Variants in HEATR6 observed in about 807,000 individuals in gnomAD.
HEATR6 encodes the protein HEAT repeat-containing protein 6.
HEATR6 carries 106 observed loss-of-function variants against 132.8 expected under a neutral mutation model. That is an observed-to-expected ratio of 0.80 (90% confidence interval 0.68 to 0.94). The LOEUF (loss-of-function observed/expected upper bound fraction) is 0.94. Among genes scored for constraint, HEATR6 ranks in the 40% least tolerant of loss-of-function variants. The pLI is 0.00. For missense variants in HEATR6, 1,339 were observed against 1,425.1 expected, an observed-to-expected ratio of 0.94 and a Z score of 0.97; for synonymous variants, 529 against 537.8, an observed-to-expected ratio of 0.98 and a Z score of 0.23.
rs766891804 is a variant in HEATR6 at position 60,046,177 on chromosome 17, G to C, written c.2822C>G (p.Pro941Arg). ...ALGNLLHFLQ[P>R]SHIEKPTFAE... ...AAATGTGGGTTTTTCTATATGAGAGGGTTGCAGAAAATGAAGCAAATTTCC... is the reference window on the plus strand; with the variant it reads ...AAATGTGGGTTTTTCTATATGAGAGCGTTGCAGAAAATGAAGCAAATTTCC... The change falls in exon 19 of 20, where the codon CCC becomes CGC. Residue 941 changes from proline to arginine, a missense_variant. Pro to Arg is a moderately radical substitution (Grantham distance 103). Transcript: ENST00000184956. The C allele has an allele frequency of 3.7e-6, 6 of 1,613,828 alleles. No individual in the cohort carries two copies. Among genetic ancestry groups the C allele is most frequent in the East Asian group, 2.2e-5 (1 of 44,878 alleles).
chr17:60,043,840 CA>C lies in HEATR6; in HGVS notation c.3268del (p.Cys1090ValfsTer2), dbSNP rs1568599442. 6.2e-7 allele frequency: 1 copy of C among 1,614,178 alleles called. No homozygotes were observed. Among genetic ancestry groups the C allele is most frequent in the South Asian group, 1.1e-5 (1 of 91,078 alleles). ...ACTCAGTTCAAGGGTTTCTTTCATACAAGGGAGGTCCGAGGCACTGGCCAAG... is the reference window on the plus strand; with the variant it reads ...ACTCAGTTCAAGGGTTTCTTTCATACAGGGAGGTCCGAGGCACTGGCCAAG... ...LSLASASDLP[C>X]MKETLELSGN... is the part of the protein sequence containing the mutation. On this transcript the variant is annotated frameshift_variant, in exon 20 of 20. Coordinates refer to ENST00000184956, the MANE Select transcript of HEATR6 (RefSeq NM_022070.5). LOFTEE classifies it high-confidence loss of function.
Position 60,043,527 on chromosome 17 carries a change from TGCC to T in HEATR6, c.*33_*35del, listed in dbSNP as rs1319427176. 1 of 1,537,762 alleles carries T rather than the reference TGCC, an allele frequency of 6.5e-7. No homozygotes were observed. The highest frequency in any genetic ancestry group is 8.9e-7 in the Non-Finnish European group (1 of 1,124,548). On this transcript the variant is annotated 3_prime_UTR_variant, in exon 20 of 20. Coordinates refer to ENST00000184956, the MANE Select transcript of HEATR6 (RefSeq NM_022070.5). The stretch of plus-strand genomic sequence containing the variant: ...TATGCTCAAGCTCAGGTCTTCCTAC[TGCC>T]GCCTTCGACATCTAGAAAGTATGGT...
chr17:60,078,764 C>A lies in HEATR6; in HGVS notation c.151G>T (p.Glu51Ter), dbSNP rs1455407157. Reference sequence around the variant, plus strand: ...AGCTGATCGAAGAGCAGGTGGATCTCGGTGCGGGCGGAGCTGCTGTCATCC... The same window carrying A: ...AGCTGATCGAAGAGCAGGTGGATCTAGGTGCGGGCGGAGCTGCTGTCATCC... ...RPDDSSSARTEIHLLFDQLIS... is the reference protein window; with the variant it reads ...RPDDSSSART The change falls in exon 1 of 20, where the codon GAG (glutamate) becomes TAG (stop). Residue 51 changes from glutamate (E) to a stop codon, truncating the protein, a stop_gained. Transcript: ENST00000184956. LOFTEE classifies it high-confidence loss of function. 1.9e-6 allele frequency: 3 copies of A among 1,569,440 alleles called. No individual in the cohort carries two copies. The highest frequency in any genetic ancestry group is 2.6e-6 in the Non-Finnish European group (3 of 1,159,154).
intron 12 of HEATR6, 152 bp downstream of exon 12, chr17:60,056,896 C>A: frequency 1.7e-6 from 1 of 573,872 alleles, no homozygotes; most frequent in Non-Finnish European, 3.0e-6. Flanking sequence ...CAAAACAAAA[C>A]AACAACAAAA....
intron 8 of HEATR6, among the ~76,000 whole-genome samples, chr17:60,067,130 C>T (rs1848663025): frequency 6.6e-6 from 1 of 151,400 alleles, no homozygotes; most frequent in African/African-American, 2.4e-5. Flanking sequence ...ATTAGCCGGG[C>T]GTAGTGGCGG....
In HEATR6 at chr17:60,066,275, C is replaced by A; in HGVS notation, c.1350G>T (p.Thr450=). Residue 450 remains threonine, a synonymous_variant, in exon 9 of 20, where the codon ACG becomes ACT. Coordinates refer to ENST00000184956, the MANE Select transcript of HEATR6 (RefSeq NM_022070.5). Reference sequence around the variant, plus strand: ...CTGACTGTGGGCTGCCAAGTTCAGGCGTATCAGGAATAAAAGCTGACCAGT... The same window carrying A: ...CTGACTGTGGGCTGCCAAGTTCAGGAGTATCAGGAATAAAAGCTGACCAGT... ...YGYWSAFIPD[T]PELGSPQSVS... is the part of the protein sequence containing the mutation. 1 of 1,613,806 alleles carries A rather than the reference C, an allele frequency of 6.2e-7. No individual in the cohort carries two copies. Among genetic ancestry groups the A allele is most frequent in the African/African-American group, 1.3e-5 (1 of 74,946 alleles).
chr17:60,050,348 T>G lies in HEATR6; in HGVS notation c.2424+495A>C, dbSNP rs76828971. Among the ~76,000 whole-genome samples the G allele has an allele frequency of 2.8e-3, 433 of 152,284 alleles. 3 individuals are homozygous for G. Among genetic ancestry groups the G allele is most frequent in the Non-Finnish European group, 2.2e-3 (151 of 68,026 alleles). ...ACTATGAGAAATACATTTCTGTTGTTTAGAAGACACCCAATTTATGGTATT... is the reference window on the plus strand; with the variant it reads ...ACTATGAGAAATACATTTCTGTTGTGTAGAAGACACCCAATTTATGGTATT... On this transcript the variant is annotated intron_variant, in intron 15 of 19. Coordinates refer to ENST00000184956, the MANE Select transcript of HEATR6 (RefSeq NM_022070.5).
intron 1 of HEATR6, 90 bp downstream of exon 1, chr17:60,078,606 G>A: frequency 1.0e-6 from 1 of 969,796 alleles, no homozygotes; most frequent in Non-Finnish European, 1.5e-6. Context: ...GCGCGAGAGT[G>A]GGAAGATCAG....
chr17:60,057,027 T>G, intron 12 of HEATR6, 21 bp downstream of exon 12: 2 of 1,504,012 alleles, frequency 1.3e-6, no homozygotes, highest in Non-Finnish European at 1.8e-6. Flanking sequence ...ATTTCAGAGA[T>G]GAGGAAATGA....
In HEATR6 at chr17:60,076,242, CAAAA is replaced by C; in HGVS notation, c.220-9_220-6del. 8.3e-7 allele frequency: 1 copy of C among 1,199,360 alleles called. No individual in the cohort carries two copies. The highest frequency in any genetic ancestry group is 1.1e-6 in the Non-Finnish European group (1 of 883,558). The allele number at this position is 1,199,360 out of a possible 1,614,324, so 74.3% of individuals were successfully genotyped here. On this transcript the variant is annotated splice_region_variant and splice_polypyrimidine_tract_variant and intron_variant, in intron 1 of 19. Coordinates refer to ENST00000184956, the MANE Select transcript of HEATR6 (RefSeq NM_022070.5). ...GACAAGAAGAGCACTAACGTCCTAC[CAAAA>C]AAAAAAAGATAAGAGGTAAAATACT...
Position 60,066,357 on chromosome 17 carries a change from G to A in HEATR6, c.1268C>T (p.Ala423Val), listed in dbSNP as rs780891622. The A allele has an allele frequency of 1.9e-6, 3 of 1,611,060 alleles. No individual in the cohort carries two copies. The highest frequency in any genetic ancestry group is 2.5e-6 in the Non-Finnish European group (3 of 1,179,114). The change falls in exon 9 of 20, where the codon GCC becomes GTC. Residue 423 changes from alanine (A) to valine (V), a missense_variant. Coordinates refer to ENST00000184956, the MANE Select transcript of HEATR6 (RefSeq NM_022070.5). Reference sequence around the variant, plus strand: ...TATAGTAGAAAGAAAACAAACTAAGGCTCCTTGGCGAACTTTAGCTTGGTA... The same window carrying A: ...TATAGTAGAAAGAAAACAAACTAAGACTCCTTGGCGAACTTTAGCTTGGTA... ...RSYQAKVRQG[A>V]LVCFLSTIKS...
chr17:60,046,885 T>C (rs1313223864), intron 18 of HEATR6, among the ~76,000 whole-genome samples: 2 of 152,164 alleles, frequency 1.3e-5, no homozygotes, highest in Non-Finnish European at 2.9e-5. Context: ...ATACCAAACT[T>C]ACCCAGTTAC....
chr17:60,073,313 A>C, intron 3 of HEATR6, 34 bp from the exon 4 acceptor site: 1 of 1,221,834 alleles, frequency 8.2e-7, no homozygotes, highest in Non-Finnish European at 1.2e-6. Flanking sequence ...AGGTCAAAGA[A>C]AAGCTTCTAG....
intron 15 of HEATR6, 149 bp from the exon 16 acceptor site, chr17:60,049,851 G>T (rs190426639): frequency 2.0e-5 from 16 of 784,298 alleles, no homozygotes. Flanking sequence ...TAAAAAGCAG[G>T]TTCAATTCAG....
intron 9 of HEATR6, among the ~76,000 whole-genome samples, chr17:60,065,899 C>A (rs2083237920): frequency 6.6e-6 from 1 of 152,280 alleles, no homozygotes; most frequent in Non-Finnish European, 1.5e-5. Flanking sequence ...CCACAGCAAT[C>A]AACATTTTCA....
intron 9 of HEATR6, among the ~76,000 whole-genome samples, chr17:60,065,613 A>T (rs891789280): frequency 2.5e-4 from 38 of 152,380 alleles, no homozygotes; most frequent in African/African-American, 8.9e-4. Flanking sequence ...ATCTTGCTAT[A>T]GCTATCCATG....
chr17:60,067,332 A>G (rs2083247115), intron 8 of HEATR6, 102 bp downstream of exon 8: 1 of 760,794 alleles, frequency 1.3e-6, no homozygotes, highest in Non-Finnish European at 2.0e-6. Flanking sequence ...CCCCCCAGAA[A>G]TCAGGCTCTT....
At position 60,044,096 on chromosome 17, in the gene HEATR6, T is replaced by A; in HGVS notation, c.3013A>T (p.Thr1005Ser). 1.2e-6 allele frequency: 2 copies of A among 1,613,602 alleles called. No individual in the cohort carries two copies. The highest frequency in any genetic ancestry group is 1.7e-6 in the Non-Finnish European group (2 of 1,179,702). Residue 1005 changes from threonine (T) to serine (S), a missense_variant, in exon 20 of 20, where the codon ACA becomes TCA. Transcript: ENST00000184956. ...TTCTTGCATGATGTCACGACCGATG[T>A]CAGGGCATTGTAGGCCTGGGAGGTC... ...PWTSQAYNAL[T>S]SVVTSCKNFK...
At position 60,072,259 on chromosome 17, in the gene HEATR6, G is replaced by GT. The variant is rs1568643823; in HGVS notation, c.654dup (p.Gln219ThrfsTer7). 1 of 1,609,884 alleles carries GT rather than the reference G, an allele frequency of 6.2e-7. No individual in the cohort carries two copies. Among genetic ancestry groups the GT allele is most frequent in the East Asian group, 2.2e-5 (1 of 44,780 alleles). ...TCCATATCAGATGATTTTGGAGACT[G>GT]TAAAATAGTCAGAAAAGCTTGGAAA... On this transcript the variant is annotated frameshift_variant, in exon 5 of 20. Coordinates refer to ENST00000184956, the MANE Select transcript of HEATR6 (RefSeq NM_022070.5). LOFTEE classifies it high-confidence loss of function.
Sources: allele counts gnomAD v4.1 joint callset (sites outside exome capture counted in the v4.1 genomes callset), GRCh38; gene constraint gnomAD v4.1.1; transcripts MANE v1.5; gene names NCBI Gene and HGNC (gene_info 2026-07-23, HGNC 2026-07-21).